APH1B: variants seen among roughly 807,000 people sequenced by gnomAD.
The protein encoded by APH1B is aph-1B gamma-secretase subunit, also known as gamma-secretase subunit APH-1B.
APH1B carries 27 observed loss-of-function variants against 28.2 expected under a neutral mutation model. The ratio of observed to expected loss-of-function variants is 0.96; its 90% CI spans 0.70 to 1.32. The LOEUF (loss-of-function observed/expected upper bound fraction) is 1.32, where lower values mean the gene tolerates loss of function less well. APH1B is among the 40% of genes most tolerant of loss of function. The pLI, the probability that APH1B is intolerant of heterozygous loss-of-function variation, is 0.00. For synonymous variants in APH1B, 141 were observed against 124.6 expected (o/e 1.13, Z -0.88); for missense variants, 305 against 313.6 (o/e 0.97, Z 0.21).
At chr15:63,302,798 C>G (rs528766953) in intron 5 of APH1B, among the ~76,000 whole-genome samples, 1 of 152,188 alleles carries the variant, frequency 6.6e-6, no homozygotes, top group East Asian at 1.9e-4. Flanking sequence ...GGCACCATGA[C>G]TGGACCTTAT....
chr15:63,289,156 C>T (rs1157177804), intron 4 of APH1B, among the ~76,000 whole-genome samples: 1 of 152,148 alleles, frequency 6.6e-6, no homozygotes, highest in Non-Finnish European at 1.5e-5. Context: ...GTTAGCATGG[C>T]AGACTGGCTA....
intron 5 of APH1B, among the ~76,000 whole-genome samples, chr15:63,305,287 T>C (rs74673060): frequency 0.011 from 1,686 of 152,336 alleles, 33 homozygotes; most frequent in African/African-American, 0.038. Context: ...TCTCACTTTC[T>C]TGCAAATTCT....
chr15:63,286,442 G>C, intron 2 of APH1B, 116 bp from the exon 3 acceptor site: 1 of 819,962 alleles, frequency 1.2e-6, no homozygotes. Flanking sequence ...AGTATAACCT[G>C]ATGCAAAGCC....
chr15:63,304,065 T>G lies in APH1B; in HGVS notation c.607-1549T>G, dbSNP rs1289543739. On this transcript the variant is annotated intron_variant, in intron 5 of 5. Coordinates refer to ENST00000261879, the MANE Select transcript of APH1B (RefSeq NM_031301.4). This position sits in a 1 kb window ranked among gnomAD's most constrained non-coding sequence, Gnocchi z 5.1. ...CGTCCACCTCCTCACTGCATTCTCT[T>G]TATTGTTAGTCGTCCTGCTGGCTAT... is the stretch of plus-strand genomic sequence containing the variant. Among the ~76,000 whole-genome samples, 1 of 152,190 alleles carries G rather than the reference T, an allele frequency of 6.6e-6. No homozygotes were observed. The highest frequency in any genetic ancestry group is 1.9e-4 in the East Asian group (1 of 5,202).
chr15:63,305,808 C>A lies in APH1B; in HGVS notation c.*27C>A, dbSNP rs751341477. On this transcript the variant is annotated 3_prime_UTR_variant, in exon 6 of 6. Coordinates refer to ENST00000261879, the MANE Select transcript of APH1B (RefSeq NM_031301.4). The stretch of plus-strand genomic sequence containing the variant: ...CTCAGGGAACCAGCACTTCCCAAAC[C>A]GCAGACTACATCTTTAGAGGAAGCA... The A allele has an allele frequency of 6.9e-6, 11 of 1,599,492 alleles. No homozygotes were observed. The highest frequency in any genetic ancestry group is 9.4e-6 in the Non-Finnish European group (11 of 1,175,506).
At chr15:63,297,604 A>T (rs762927345) in intron 4 of APH1B, among the ~76,000 whole-genome samples, 68 of 152,336 alleles carry the variant, frequency 4.5e-4, no homozygotes, top group Middle Eastern at 3.4e-3. Flanking sequence ...TTAGAATTTT[A>T]TATTTAGGAA....
chr15:63,305,724 A>T lies in APH1B; in HGVS notation c.717A>T (p.Lys239Asn). The T allele has an allele frequency of 1.9e-6, 3 of 1,614,128 alleles. No homozygotes were observed. The highest frequency in any genetic ancestry group is 1.1e-5 in the South Asian group (1 of 91,070). ...CGGGAGGCAGCTGCCGAAGCCTGAA[A>T]CTCTGCCTGCTCTGCCAAGACAAGA... ...LAAGGSCRSL[K>N]LCLLCQDKNF... Residue 239 changes from lysine (K) to asparagine (N), a missense_variant, in exon 6 of 6, where the codon AAA becomes AAT. Lys to Asn is a moderately conservative substitution (Grantham distance 94). Coordinates refer to ENST00000261879, the MANE Select transcript of APH1B (RefSeq NM_031301.4).
In APH1B at chr15:63,306,015, G is replaced by A; in HGVS notation, c.*234G>A. 1 of 481,020 alleles carries A rather than the reference G, an allele frequency of 2.1e-6. No individual in the cohort carries two copies. Among genetic ancestry groups the A allele is most frequent in the South Asian group, 2.5e-5 (1 of 40,386 alleles). 29.8% of individuals were successfully genotyped at this position (481,020 alleles called of 1,614,324 possible). The stretch of plus-strand genomic sequence containing the variant: ...ACAGTGTAAAGCCGACTGATTCTGG[G>A]CTCCACCTTCCAGAGCTAATTGGCC... On this transcript the variant is annotated 3_prime_UTR_variant, in exon 6 of 6. Transcript: ENST00000261879.
Position 63,279,185 on chromosome 15 carries a change from A to G in APH1B, c.138A>G (p.Leu46=). 1 of 1,604,820 alleles carries G rather than the reference A, an allele frequency of 6.2e-7. No individual in the cohort carries two copies. ...IAGAFFWLVS[L]LISSLVWFMA... ...GAGCTTTCTTCTGGTTGGTGTCTCT[A>G]CTGATTTCGTCCCTTGTTTGGTTCA... is the stretch of plus-strand genomic sequence containing the variant. The change falls in exon 2 of 6, where the codon CTA becomes CTG. Residue 46 remains leucine, a synonymous_variant. Transcript: ENST00000261879.
At chr15:63,303,874 AACACACACACAC>A (rs113837395) in intron 5 of APH1B, among the ~76,000 whole-genome samples, 4,006 of 145,696 alleles carry the variant, frequency 0.027, 137 homozygotes, top group East Asian at 0.18. Context: ...ACACACACAC[AACACACACACAC>A]ACACACACAC....
At chr15:63,279,796 CTTT>C (rs61114269) in intron 2 of APH1B, among the ~76,000 whole-genome samples, 9 of 137,890 alleles carry the variant, frequency 6.5e-5, no homozygotes, top group Admixed American at 7.3e-5. Context: ...TAAGTTAATT[CTTT>C]TTTTTTTTTT....
At position 63,282,875 on chromosome 15, in the gene APH1B, C is replaced by T. The variant is rs189596548; in HGVS notation, c.284+3544C>T. Among the ~76,000 whole-genome samples the T allele has an allele frequency of 9.2e-4, 140 of 152,342 alleles. 1 individual carries two copies. The highest frequency in any genetic ancestry group is 3.3e-3 in the African/African-American group (136 of 41,576). On this transcript the variant is annotated intron_variant, in intron 2 of 5. Transcript: ENST00000261879. ...CTTGTATTCATACTCCTTTCTCTCT[C>T]TCACACACACATTCGAAAAAGGATA...
At chr15:63,303,791 C>T (rs1457685960) in intron 5 of APH1B, among the ~76,000 whole-genome samples, 2 of 152,076 alleles carry the variant, frequency 1.3e-5, no homozygotes, top group Non-Finnish European at 2.9e-5. Flanking sequence ...CCACCCCTGG[C>T]TTTCTCATTC....
Position 63,296,399 on chromosome 15 carries a change from CT to C in APH1B, c.479-5943del, listed in dbSNP as rs1189061161. On this transcript the variant is annotated intron_variant, in intron 4 of 5. Coordinates refer to ENST00000261879, the MANE Select transcript of APH1B (RefSeq NM_031301.4). ...GTGGCTGCCACCACCCAGCAGCAGC[CT>C]TTGGCTTGCTCTGACTTAGTTAGAG... 1.1e-4 allele frequency among the ~76,000 whole-genome samples: 17 copies of C among 152,346 alleles called. 3 individuals are homozygous for C. Among genetic ancestry groups the C allele is most frequent in the African/African-American group, 4.1e-4 (17 of 41,582 alleles).
intron 5 of APH1B, among the ~76,000 whole-genome samples, chr15:63,303,338 AAC>A (rs1290679039): frequency 3.0e-5 from 2 of 67,704 alleles, no homozygotes; most frequent in Non-Finnish European, 9.1e-5. Flanking sequence ...TATTTCTGTC[AAC>A]AGAGTCACAC....
rs563308002 is a variant in APH1B at position 63,279,323 on chromosome 15, A to T, written c.276A>T (p.Lys92Asn). 1 of 1,594,034 alleles carries T rather than the reference A, an allele frequency of 6.3e-7. No individual in the cohort carries two copies. The highest frequency in any genetic ancestry group is 1.1e-5 in the South Asian group (1 of 89,078). The change falls in exon 2 of 6, where the codon AAA becomes AAT. Residue 92 changes from lysine to asparagine, a missense_variant. Lys to Asn is a moderately conservative substitution (Grantham distance 94). Coordinates refer to ENST00000261879, the MANE Select transcript of APH1B (RefSeq NM_031301.4). ...AAATGTTCCGATTTGCATATTATAA[A>T]CTCTTAAAGTAAGTTAAATACCTGC... ...IQEMFRFAYY[K>N]LLKKASEGLK...
chr15:63,294,448 A>G (rs2038542688), intron 4 of APH1B, among the ~76,000 whole-genome samples: 1 of 152,094 alleles, frequency 6.6e-6, no homozygotes, highest in African/African-American at 2.4e-5. Flanking sequence ...CTTACCAAAG[A>G]TGTTCTTCAG....
At chr15:63,281,177 C>T (rs985243299) in intron 2 of APH1B, among the ~76,000 whole-genome samples, 3 of 151,828 alleles carry the variant, frequency 2.0e-5, no homozygotes, top group Non-Finnish European at 2.9e-5. Context: ...CCCTTCTGAC[C>T]GCTGCCTTAC....
At position 63,308,433 on chromosome 15, in the gene APH1B, T is replaced by C. The variant is rs1351298226; in HGVS notation, c.*2652T>C. On this transcript the variant is annotated 3_prime_UTR_variant, in exon 6 of 6. Transcript: ENST00000261879. ...CTTTTAGAGCATCTTAATGAAAACA[T>C]GGATGAAAGGAATTAATGATGATAT... 2.0e-5 allele frequency: 3 copies of C among 152,180 alleles called. No individual in the cohort carries two copies. The highest frequency in any genetic ancestry group is 4.8e-5 in the African/African-American group (2 of 41,438). 9.4% of individuals were successfully genotyped at this position (152,180 alleles called of 1,614,324 possible).
Sources: gnomAD v4.1 joint callset for allele counts (sites outside exome capture counted in the v4.1 genomes callset) on GRCh38, gnomAD v4.1.1 for gene constraint, Gnocchi (gnomAD v3.1) non-coding constraint, MANE v1.5 for transcripts, NCBI Gene and HGNC (gene_info 2026-07-23, HGNC 2026-07-21) for gene names.